Variants in SLC22A23 observed in about 807,000 individuals in gnomAD.
SLC22A23 encodes the protein solute carrier family 22 member 23.
In SLC22A23, 26 loss-of-function variants were observed where a neutral mutation model predicts 61.0. The observed-to-expected ratio is 0.43, with a 90% CI of 0.31 to 0.59. The LOEUF (loss-of-function observed/expected upper bound fraction) is 0.59, where lower values mean the gene tolerates loss of function less well. Among genes scored for constraint, SLC22A23 ranks in the 20% least tolerant of loss-of-function variants. SLC22A23 has a pLI of 0.11. For synonymous variants in SLC22A23, 430 were observed against 413.9 expected, an observed-to-expected ratio of 1.04 and a Z score of -0.47; for missense variants, 796 against 934.7, an observed-to-expected ratio of 0.85 and a Z score of 1.94.
chr6:3,320,905 T>C (rs952103630), intron 4 of SLC22A23, among the ~76,000 whole-genome samples: 4 of 152,204 alleles, frequency 2.6e-5, no homozygotes, highest in African/African-American at 7.2e-5. Context: ...AATAGTAATA[T>C]AAATGTGTAA....
chr6:3,441,152 T>C (rs1180518058), intron 1 of SLC22A23, among the ~76,000 whole-genome samples: 1 of 152,078 alleles, frequency 6.6e-6, no homozygotes, highest in Non-Finnish European at 1.5e-5. Flanking sequence ...TACCACAGTT[T>C]TGTGATGGGG....
intron 4 of SLC22A23, among the ~76,000 whole-genome samples, chr6:3,307,599 G>A (rs971321839): frequency 5.9e-5 from 9 of 152,240 alleles, no homozygotes; most frequent in African/African-American, 2.2e-4. Context: ...GGCCCTGCTG[G>A]CGTCCAATAT....
chr6:3,376,552 T>C (rs1302307131), intron 3 of SLC22A23, among the ~76,000 whole-genome samples: 2 of 152,176 alleles, frequency 1.3e-5, no homozygotes, highest in Non-Finnish European at 2.9e-5. Context: ...AGGGAGACTT[T>C]CCTATCTTTC....
At chr6:3,334,352 G>A (rs1561905413) in intron 3 of SLC22A23, among the ~76,000 whole-genome samples, 2 of 152,090 alleles carry the variant, frequency 1.3e-5, no homozygotes, top group Non-Finnish European at 2.9e-5. Flanking sequence ...GTAGAGATGG[G>A]GTTTCACCAT....
chr6:3,282,085 C>A, intron 9 of SLC22A23: 1 of 641,954 alleles, frequency 1.6e-6, no homozygotes, highest in South Asian at 1.8e-5. Context: ...CTAGCCACCC[C>A]CTCCCCCAAC....
chr6:3,453,525 G>C (rs1399817040), intron 1 of SLC22A23, among the ~76,000 whole-genome samples: 1 of 152,142 alleles, frequency 6.6e-6, no homozygotes, highest in Non-Finnish European at 1.5e-5. Context: ...ACAGTTTCAC[G>C]TGTGTAGGTA....
chr6:3,316,438 A>C (rs145210763), intron 4 of SLC22A23, among the ~76,000 whole-genome samples: 1 of 152,350 alleles, frequency 6.6e-6, no homozygotes, highest in Non-Finnish European at 1.5e-5. Flanking sequence ...TGTGTCTGCC[A>C]CCAGGGAGGC....
chr6:3,270,835 CA>C lies in SLC22A23; in HGVS notation c.*2219del, dbSNP rs75164877. 6.5e-3 allele frequency: 920 copies of C among 141,420 alleles called. 2 individuals carry two copies. Among genetic ancestry groups the C allele is most frequent in the Non-Finnish European group, 7.7e-3 (492 of 64,180 alleles). The allele number at this position is 141,420 out of a possible 1,614,324, so 8.8% of individuals were successfully genotyped here. ...GGCAGCACTCTACAGCTTCAATTTC[CA>C]AAAAAAAAAAAAAGTTTACACGACC... On this transcript the variant is annotated 3_prime_UTR_variant, in exon 10 of 10. Transcript: ENST00000406686.
intron 3 of SLC22A23, among the ~76,000 whole-genome samples, chr6:3,351,961 A>C (rs1483279037): frequency 6.6e-6 from 1 of 152,182 alleles, no homozygotes; most frequent in Non-Finnish European, 1.5e-5. Flanking sequence ...ACAGGAGAGC[A>C]GGGAGGGATG....
At chr6:3,281,818 C>A (rs1302906672) in intron 9 of SLC22A23, among the ~76,000 whole-genome samples, 2 of 152,048 alleles carry the variant, frequency 1.3e-5, no homozygotes, top group African/African-American at 4.8e-5. Flanking sequence ...CCAGCCTGGC[C>A]CAGGGACCCC....
intron 5 of SLC22A23, among the ~76,000 whole-genome samples, chr6:3,293,733 A>G (rs575488542): frequency 6.6e-6 from 1 of 152,312 alleles, no homozygotes; most frequent in Non-Finnish European, 1.5e-5. Flanking sequence ...GACTTGGGCA[A>G]GGTACCTAGC....
Position 3,322,203 on chromosome 6 carries a change from G to T in SLC22A23, c.1082+1631C>A, listed in dbSNP as rs1762996021. Among the ~76,000 whole-genome samples the T allele has an allele frequency of 6.6e-6, 1 of 152,168 alleles. No individual in the cohort carries two copies. The highest frequency in any genetic ancestry group is 1.5e-5 in the Non-Finnish European group (1 of 68,036). ...TCTATAGGATGGGCTGCTGAGATATGAGGGTGGAACCATTTACTATTGCAA... is the reference window on the plus strand; with the variant it reads ...TCTATAGGATGGGCTGCTGAGATATTAGGGTGGAACCATTTACTATTGCAA... On this transcript the variant is annotated intron_variant, in intron 4 of 9. Transcript: ENST00000406686. The surrounding 1 kb of genome is among the most constrained non-coding windows in gnomAD (Gnocchi z 4.1).
chr6:3,432,256 T>C lies in SLC22A23; in HGVS notation c.655-16401A>G, dbSNP rs868839903. On this transcript the variant is annotated intron_variant, in intron 1 of 9. Coordinates refer to ENST00000406686, the MANE Select transcript of SLC22A23 (RefSeq NM_015482.2). ...CTGAGAGCCTGCGGCAGGAAAGCTC[T>C]GTTCCTCTGCTGAGTGAACGCTGGC... 6.1e-6 allele frequency: 6 copies of C among 985,498 alleles called. 1 individual carries two copies. The South Asian group carries it at 2.3e-4, about 39-fold the overall frequency. The allele number at this position is 985,498 out of a possible 1,614,324, so 61.0% of individuals were successfully genotyped here. A position where few individuals can be genotyped will look rare whatever the true frequency, so the allele number is the denominator to read the frequency against.
chr6:3,276,320 T>C (rs1758899533), intron 9 of SLC22A23, among the ~76,000 whole-genome samples: 1 of 152,210 alleles, frequency 6.6e-6, no homozygotes, highest in East Asian at 1.9e-4. Context: ...CGCTGGATTC[T>C]TCCCTTTCCC....
intron 5 of SLC22A23, among the ~76,000 whole-genome samples, chr6:3,296,284 A>T (rs998747600): frequency 1.3e-5 from 2 of 152,164 alleles, no homozygotes; most frequent in African/African-American, 4.8e-5. Context: ...ATCTATCCAG[A>T]GCTCTCCCTC....
intron 8 of SLC22A23, among the ~76,000 whole-genome samples, chr6:3,284,566 A>G (rs1014446949): frequency 1.3e-4 from 20 of 152,308 alleles, no homozygotes; most frequent in Middle Eastern, 3.4e-3. Flanking sequence ...ATAGAGGGCA[A>G]GCACTCTCCA....
chr6:3,376,034 T>C (rs1402502276), intron 3 of SLC22A23, among the ~76,000 whole-genome samples: 1 of 152,248 alleles, frequency 6.6e-6, no homozygotes, highest in African/African-American at 2.4e-5. Flanking sequence ...TTTGAATATT[T>C]TATGGCCATA....
chr6:3,398,554 C>T (rs1356862821), intron 3 of SLC22A23, among the ~76,000 whole-genome samples: 2 of 150,210 alleles, frequency 1.3e-5, no homozygotes, highest in East Asian at 3.9e-4. Flanking sequence ...ATTTTCTGGT[C>T]TCGGTGTTCT....
chr6:3,378,872 T>A (rs1193351372), intron 3 of SLC22A23, among the ~76,000 whole-genome samples: 1 of 152,088 alleles, frequency 6.6e-6, no homozygotes, highest in Non-Finnish European at 1.5e-5. Flanking sequence ...TTGGCCAGGC[T>A]GGTCTTGAAC....
Sources: allele counts gnomAD v4.1 joint callset (sites outside exome capture counted in the v4.1 genomes callset), GRCh38; gene constraint gnomAD v4.1.1; non-coding constraint Gnocchi (gnomAD v3.1); transcripts MANE v1.5; gene names NCBI Gene and HGNC (gene_info 2026-07-23, HGNC 2026-07-21).